The following AMPH variants were observed in gnomAD, a reference collection of about 807,000 sequenced individuals.
AMPH encodes amphiphysin, also known as amphiphysin (Stiff-Mann syndrome with breast cancer 128kD autoantigen).
In AMPH, 49 loss-of-function variants were observed where a neutral mutation model predicts 99.1. The observed-to-expected ratio is 0.49, with a 90% CI of 0.39 to 0.63. AMPH has a LOEUF of 0.63. AMPH is among the 20% of genes least tolerant of loss of function. The pLI, the probability that AMPH is intolerant of heterozygous loss-of-function variation, is 0.00. For missense variants in AMPH, 759 were observed against 863.4 expected (o/e 0.88, Z 1.52); for synonymous variants, 314 against 317.3 (o/e 0.99, Z 0.11).
rs1339283510 is a variant in AMPH at position 38,568,232 on chromosome 7, G to A, written c.70-33221C>T. Among the ~76,000 whole-genome samples, 11 of 152,220 alleles carry A rather than the reference G, an allele frequency of 7.2e-5. No homozygotes were observed. In the East Asian group the frequency reaches 1.7e-3, roughly 24 times the overall value. On this transcript the variant is annotated intron_variant, in intron 1 of 20. Coordinates refer to ENST00000356264, the MANE Select transcript of AMPH (RefSeq NM_001635.4). ...TATGTAAAGAATCCTTTAGGAGGCC[G>A]AGGCAGGCGGATCACGAGGTCAGGA...
At chr7:38,522,960 T>C (rs1790027554) in intron 2 of AMPH, among the ~76,000 whole-genome samples, 1 of 151,622 alleles carries the variant, frequency 6.6e-6, no homozygotes, top group African/African-American at 2.4e-5. Context: ...ATACAAAAAT[T>C]AGCCGGGCGT....
rs781587480 is a variant in AMPH at position 38,384,846 on chromosome 7, G to A, written c.2060C>T (p.Pro687Leu). 5 of 1,613,886 alleles carry A rather than the reference G, an allele frequency of 3.1e-6. No individual in the cohort carries two copies. The African/African-American group carries it at 5.3e-5, about 17-fold the overall frequency. The change falls in exon 21 of 21, where the codon CCA becomes CTA. Residue 687 changes from proline to leucine, a missense_variant. Physicochemically the swap from Pro to Leu is moderately conservative, Grantham distance 98. This residue lies in a region of AMPH where 554 missense variants were observed against 575.6 expected (regional missense o/e 0.96). Transcript: ENST00000356264. The stretch of plus-strand genomic sequence containing the variant: ...ATCTAAGCGTCGGGTGAAGTTCTCT[G>A]GAAAGAGGCCTTTGTAGGTGGCAAG... Reference protein sequence around the residue: ...RDLATYKGLFPENFTRRLD With the variant: ...RDLATYKGLFLENFTRRLD
chr7:38,391,011 G>C (rs962707220), intron 19 of AMPH, among the ~76,000 whole-genome samples: 5 of 60,532 alleles, frequency 8.3e-5, no homozygotes, highest in Non-Finnish European at 1.6e-4. Context: ...GAGAGAGAGA[G>C]AGAGAATGAT....
At chr7:38,560,757 T>TCC (rs1791526748) in intron 1 of AMPH, among the ~76,000 whole-genome samples, 2 of 152,180 alleles carry the variant, frequency 1.3e-5, no homozygotes, top group Non-Finnish European at 2.9e-5. Context: ...CTAGGGTGGT[T>TCC]CCCAAGGCTA....
intron 19 of AMPH, among the ~76,000 whole-genome samples, chr7:38,390,947 G>A (rs932618092): frequency 7.0e-6 from 1 of 142,190 alleles, no homozygotes; most frequent in African/African-American, 2.7e-5. Flanking sequence ...CTTTCTAATG[G>A]AGAGAGACAA....
chr7:38,509,546 T>C (rs3823592), intron 2 of AMPH, among the ~76,000 whole-genome samples: 38,040 of 152,148 alleles, frequency 0.25, 5,042 homozygotes, highest in Non-Finnish European at 0.3. Flanking sequence ...AGCTAACCCA[T>C]AGTGTGTTAA....
chr7:38,523,844 GAC>G (rs1466175590), intron 2 of AMPH, among the ~76,000 whole-genome samples: 1 of 152,108 alleles, frequency 6.6e-6, no homozygotes, highest in African/African-American at 2.4e-5. Context: ...ACTAGTAGGT[GAC>G]AGTTTGATGA....
rs1161595313 is a variant in AMPH at position 38,391,945 on chromosome 7, T to C, written c.1681A>G (p.Ile561Val). Residue 561 changes from isoleucine to valine, a missense_variant, in exon 19 of 21, where the codon ATA (isoleucine) becomes GTA (valine). Ile to Val is a conservative substitution (Grantham distance 29). Around this residue, in one of 2 missense-constraint regions of AMPH, gnomAD observed 554 missense variants for 575.6 expected, o/e 0.96. Transcript: ENST00000356264. ...HEEEGENEITIGAEPKETTED... is the reference protein window; with the variant it reads ...HEEEGENEITVGAEPKETTED... ...GTGGTCTCCTTGGGCTCTGCACCTA[T>C]AGTTATTTCGTTTTCTCCTTCCTCT... 1.9e-6 allele frequency: 3 copies of C among 1,612,236 alleles called. No individual in the cohort carries two copies. Among genetic ancestry groups the C allele is most frequent in the Admixed American group, 1.7e-5 (1 of 60,000 alleles).
At chr7:38,465,831 T>C (rs1787631102) in intron 8 of AMPH, among the ~76,000 whole-genome samples, 2 of 152,172 alleles carry the variant, frequency 1.3e-5, no homozygotes, top group Admixed American at 6.5e-5. Flanking sequence ...TCCACCCTTT[T>C]GAACAACAAC....
At chr7:38,536,672 G>A (rs1214504589) in intron 1 of AMPH, among the ~76,000 whole-genome samples, 2 of 151,720 alleles carry the variant, frequency 1.3e-5, no homozygotes, top group Non-Finnish European at 1.5e-5. Context: ...AATACTACAT[G>A]TAAGTAATAT....
intron 7 of AMPH, among the ~76,000 whole-genome samples, chr7:38,466,759 T>C (rs1391183423): frequency 2.0e-5 from 3 of 152,214 alleles, no homozygotes; most frequent in Non-Finnish European, 4.4e-5. Flanking sequence ...GTTTGGACTC[T>C]GAAATTTGTT....
intron 11 of AMPH, among the ~76,000 whole-genome samples, chr7:38,446,370 T>TA (rs1405284597): frequency 8.5e-5 from 13 of 152,254 alleles, no homozygotes; most frequent in Non-Finnish European, 1.8e-4. Context: ...CAAGTGCTTA[T>TA]AGTGCCTTTG....
At chr7:38,492,237 CT>C (rs1449884477) in intron 4 of AMPH, among the ~76,000 whole-genome samples, 1 of 152,210 alleles carries the variant, frequency 6.6e-6, no homozygotes, top group East Asian at 1.9e-4. Context: ...ATGGGATGTA[CT>C]TTCAGGAAGT....
At chr7:38,545,310 T>C (rs1300501344) in intron 1 of AMPH, among the ~76,000 whole-genome samples, 1 of 152,054 alleles carries the variant, frequency 6.6e-6, no homozygotes, top group Non-Finnish European at 1.5e-5. Context: ...TACAGGAAAA[T>C]CTGGGCTTGG....
intron 2 of AMPH, among the ~76,000 whole-genome samples, chr7:38,523,181 C>T (rs747655267): frequency 5.3e-5 from 8 of 151,328 alleles, no homozygotes; most frequent in Non-Finnish European, 7.4e-5. Context: ...GGAAGGGTCA[C>T]GGTTTCAGAT....
rs753650937 is a variant in AMPH, at chr7:38,391,984, C to T, written c.1642G>A (p.Ala548Thr). 8.7e-6 allele frequency: 14 copies of T among 1,608,492 alleles called. No individual in the cohort carries two copies. The East Asian group carries it at 3.1e-4, about 36-fold the overall frequency. ...TCTCCTTCCTCTTCATGGTTGGAGG[C>T]AGGCTCTATGACCACCGAAGGAATG... Reference protein sequence around the residue: ...KVIPSVVIEPASNHEEEGENE... With the variant: ...KVIPSVVIEPTSNHEEEGENE... The change falls in exon 19 of 21, where the codon GCC (alanine) becomes ACC (threonine). Residue 548 changes from alanine (A) to threonine (T), a missense_variant. Ala to Thr is a moderately conservative substitution (Grantham distance 58). This residue lies in a region of AMPH where 554 missense variants were observed against 575.6 expected (regional missense o/e 0.96). Transcript: ENST00000356264.
chr7:38,593,936 A>G (rs961663206), intron 1 of AMPH, among the ~76,000 whole-genome samples: 3 of 152,164 alleles, frequency 2.0e-5, no homozygotes, highest in Admixed American at 6.5e-5. Context: ...ACAAGCAGCT[A>G]GGTGATGAGG....
chr7:38,619,198 A>G (rs1793972250), intron 1 of AMPH, among the ~76,000 whole-genome samples: 1 of 152,200 alleles, frequency 6.6e-6, no homozygotes, highest in South Asian at 2.1e-4. Context: ...TCTTAAATAA[A>G]AAAAAAGATA....
chr7:38,621,895 C>T (rs1000360025), intron 1 of AMPH, among the ~76,000 whole-genome samples: 9 of 152,160 alleles, frequency 5.9e-5, no homozygotes, highest in African/African-American at 1.7e-4. Context: ...AGTACATCTA[C>T]AGCCAAATAG....
Sources: gnomAD v4.1 joint callset for allele counts (sites outside exome capture counted in the v4.1 genomes callset) on GRCh38, gnomAD v4.1.1 for gene constraint, gnomAD v4.1.1 regional missense constraint, MANE v1.5 for transcripts, NCBI Gene and HGNC (gene_info 2026-07-23, HGNC 2026-07-21) for gene names.